Variants in SEC22C observed in about 807,000 individuals in gnomAD.
SEC22C encodes SEC22 homolog C, vesicle trafficking protein, also known as vesicle-trafficking protein SEC22c.
Under a neutral mutation model 34.7 loss-of-function variants are expected in SEC22C, and 29 were observed. That is an observed-to-expected ratio of 0.84 (90% confidence interval 0.62 to 1.14). SEC22C has a LOEUF of 1.14. SEC22C is among the 50% of genes most tolerant of loss of function. The probability of loss-of-function intolerance (pLI) is 0.00; values close to 1 mark genes in which losing one functional copy is unlikely to be tolerated. For missense variants in SEC22C, 337 were observed against 369.0 expected (o/e 0.91, Z 0.71); for synonymous variants, 117 against 132.8 (o/e 0.88, Z 0.82).
chr3:42,582,612 A>G (rs1577362412), upstream of SEC22C, among the ~76,000 whole-genome samples: 1 of 152,238 alleles, frequency 6.6e-6, no homozygotes, highest in African/African-American at 2.4e-5. Flanking sequence ...ACGAAAAACT[A>G]TGTTAAGAGA....
intron 1 of SEC22C, among the ~76,000 whole-genome samples, chr3:42,573,737 G>C (rs1703787584): frequency 6.6e-6 from 1 of 152,134 alleles, no homozygotes; most frequent in African/African-American, 2.4e-5. Context: ...ATAGAAATAT[G>C]GGGGGGAGGA....
chr3:42,585,336 G>A (rs1040461816), upstream of SEC22C, among the ~76,000 whole-genome samples: 2 of 152,056 alleles, frequency 1.3e-5, no homozygotes, highest in African/African-American at 4.8e-5. Flanking sequence ...GTTCACTTTG[G>A]CTCCAGGTTC....
In SEC22C at chr3:42,552,614, C is replaced by G. The variant is rs1050357828; in HGVS notation, c.*634G>C. 2 of 983,708 alleles carry G rather than the reference C, an allele frequency of 2.0e-6. No individual in the cohort carries two copies. The highest frequency in any genetic ancestry group is 1.7e-5 in the African/African-American group (1 of 57,176). The allele number at this position is 983,708 out of a possible 1,614,324, so 60.9% of individuals were successfully genotyped here. ...AGGTTACATATAAATTAAATAAACT[C>G]AGATTTCTTAACCATTTTCTCAGCT... On this transcript the variant is annotated 3_prime_UTR_variant, in exon 7 of 7. Transcript: ENST00000264454.
chr3:42,557,875 G>A (rs531493281), intron 4 of SEC22C, among the ~76,000 whole-genome samples, 179 bp from the exon 5 acceptor site: 2 of 152,344 alleles, frequency 1.3e-5, no homozygotes, highest in East Asian at 1.9e-4. Flanking sequence ...AGAAATGATG[G>A]ACAGAATGGA....
At chr3:42,600,991 C>A in exon 1 of SEC22C, 2 of 1,555,402 alleles carry the variant, frequency 1.3e-6, no homozygotes, top group Non-Finnish European at 1.7e-6. Flanking sequence ...CAGCTCTTGC[C>A]GCCACCTCGG....
chr3:42,550,044 A>G lies in SEC22C; in HGVS notation c.*3204T>C. 1 of 985,476 alleles carries G rather than the reference A, an allele frequency of 1.0e-6. No homozygotes were observed. Among genetic ancestry groups the G allele is most frequent in the Non-Finnish European group, 1.2e-6 (1 of 829,950 alleles). The allele number at this position is 985,476 out of a possible 1,614,324, so 61.0% of individuals were successfully genotyped here. A position where few individuals can be genotyped will look rare whatever the true frequency, so the allele number is the denominator to read the frequency against. On this transcript the variant is annotated 3_prime_UTR_variant, in exon 7 of 7. Coordinates refer to ENST00000264454, the MANE Select transcript of SEC22C (RefSeq NM_032970.4). ...ACAGTAAGACTAGCCTAACAGGGGAAAACAGATTTACATGTTTCGTTCATT... is the reference window on the plus strand; with the variant it reads ...ACAGTAAGACTAGCCTAACAGGGGAGAACAGATTTACATGTTTCGTTCATT...
chr3:42,598,733 G>A (rs78167645), intron 1 of SEC22C, among the ~76,000 whole-genome samples: 4,913 of 152,062 alleles, frequency 0.032, 99 homozygotes, highest in Non-Finnish European at 0.049. Context: ...AGGAACTTGG[G>A]AAAAGAGGGA....
rs111663836 is a variant in SEC22C at position 42,548,239 on chromosome 3, T to G, written c.*5009A>C. Reference sequence around the variant, plus strand: ...CTAAATCAGCCTCAGTATTTTATGCTTTTAGTAGAAAAGCCCATTAAACAA... The same window carrying G: ...CTAAATCAGCCTCAGTATTTTATGCGTTTAGTAGAAAAGCCCATTAAACAA... On this transcript the variant is annotated 3_prime_UTR_variant, in exon 7 of 7. Coordinates refer to ENST00000264454, the MANE Select transcript of SEC22C (RefSeq NM_032970.4). 1 of 198,610 alleles carries G rather than the reference T, an allele frequency of 5.0e-6. No individual in the cohort carries two copies. The highest frequency in any genetic ancestry group is 2.3e-5 in the African/African-American group (1 of 43,574). The allele number at this position is 198,610 out of a possible 1,614,324, so 12.3% of individuals were successfully genotyped here. A position where few individuals can be genotyped will look rare whatever the true frequency, so the allele number is the denominator to read the frequency against.
intron 1 of SEC22C, chr3:42,590,836 C>A: frequency 6.4e-7 from 1 of 1,552,358 alleles, no homozygotes; most frequent in Non-Finnish European, 8.9e-7. Flanking sequence ...ACTTCGAGAG[C>A]GTAGGCCCCA....
At chr3:42,565,743 A>G (rs1703196560) in intron 2 of SEC22C, 1 of 358,366 alleles carries the variant, frequency 2.8e-6, no homozygotes, top group African/African-American at 2.2e-5. Context: ...ATTCTTCCTT[A>G]AAGTTTGTAG....
chr3:42,590,978 C>A, intron 1 of SEC22C: 1 of 330,998 alleles, frequency 3.0e-6, no homozygotes, highest in Non-Finnish European at 5.7e-6. Flanking sequence ...TGAGCATCCA[C>A]GCGGGCGGGC....
At chr3:42,568,815 A>C in intron 2 of SEC22C, 50 bp downstream of exon 2, 1 of 1,519,304 alleles carries the variant, frequency 6.6e-7, no homozygotes, top group South Asian at 1.1e-5. Context: ...TGTAGTTAAA[A>C]GTAATCCAAA....
chr3:42,548,819 G>A lies in SEC22C; in HGVS notation c.*4429C>T. 1 of 1,445,698 alleles carries A rather than the reference G, an allele frequency of 6.9e-7. No homozygotes were observed. 89.6% of individuals were successfully genotyped at this position (1,445,698 alleles called of 1,614,324 possible). A position where few individuals can be genotyped will look rare whatever the true frequency, so the allele number is the denominator to read the frequency against. Reference sequence around the variant, plus strand: ...CCTTTTTGTAAAGGCCAGAAGAAATGGCTGTGCTGTGCTGCCTGAAGCAGA... The same window carrying A: ...CCTTTTTGTAAAGGCCAGAAGAAATAGCTGTGCTGTGCTGCCTGAAGCAGA... On this transcript the variant is annotated 3_prime_UTR_variant, in exon 7 of 7. Transcript: ENST00000264454.
intron 1 of SEC22C, among the ~76,000 whole-genome samples, chr3:42,574,053 A>G (rs1457313433): frequency 8.5e-5 from 13 of 152,222 alleles, no homozygotes; most frequent in South Asian, 2.1e-4. Flanking sequence ...GCACACAGAC[A>G]GAAGCCCAAC....
At chr3:42,600,743 G>C (rs764462989) in intron 1 of SEC22C, 246 of 333,726 alleles carry the variant, frequency 7.4e-4, no homozygotes, top group Non-Finnish European at 1.2e-3. Flanking sequence ...TTTCTCTTCT[G>C]CTCACGGGGA....
At chr3:42,554,502 A>C (rs1702408929) in intron 6 of SEC22C, among the ~76,000 whole-genome samples, 1 of 151,788 alleles carries the variant, frequency 6.6e-6, no homozygotes, top group African/African-American at 2.4e-5. Flanking sequence ...GCACCACCAT[A>C]ATCAGCTGAT....
chr3:42,572,218 CAAAAA>C (rs540416562), intron 1 of SEC22C, among the ~76,000 whole-genome samples: 1 of 81,734 alleles, frequency 1.2e-5, no homozygotes, highest in Non-Finnish European at 2.7e-5. Context: ...GGGTACAGAC[CAAAAA>C]AAAAAAAAAA....
Position 42,549,271 on chromosome 3 carries a change from T to C in SEC22C, c.*3977A>G. 2 of 986,272 alleles carry C rather than the reference T, an allele frequency of 2.0e-6. No individual in the cohort carries two copies. Among genetic ancestry groups the C allele is most frequent in the Non-Finnish European group, 2.4e-6 (2 of 830,522 alleles). The allele number at this position is 986,272 out of a possible 1,614,324, so 61.1% of individuals were successfully genotyped here. ...TGATCACCATAAATGCTCCCACCCC[T>C]GCCTGTCCTCACTTGTGCTGCACTA... On this transcript the variant is annotated 3_prime_UTR_variant, in exon 7 of 7. Transcript: ENST00000264454.
chr3:42,591,124 A>T, intron 1 of SEC22C: 1 of 751,766 alleles, frequency 1.3e-6, no homozygotes, highest in Non-Finnish European at 2.2e-6. Context: ...AAATCAGCAC[A>T]GGCGCCGGGG....
Sources: allele counts gnomAD v4.1 joint callset (sites outside exome capture counted in the v4.1 genomes callset), GRCh38; gene constraint gnomAD v4.1.1; transcripts MANE v1.5; gene names NCBI Gene and HGNC (gene_info 2026-07-23, HGNC 2026-07-21).